Variants in DNAH5 observed in about 807,000 individuals in gnomAD.
The protein encoded by DNAH5 is dynein axonemal heavy chain 5, also known as axonemal beta dynein heavy chain 5.
In DNAH5, 372 loss-of-function variants were observed where a neutral mutation model predicts 518.2. That is an observed-to-expected ratio of 0.72 (90% CI 0.66 to 0.78). DNAH5 has a LOEUF of 0.78. Ranked by LOEUF, DNAH5 falls within the 30% of genes least tolerant of loss-of-function variation. The probability of loss-of-function intolerance (pLI) is 0.00; values close to 1 mark genes in which losing one functional copy is unlikely to be tolerated. For missense variants in DNAH5, 5,523 were observed against 5,687.0 expected, an observed-to-expected ratio of 0.97 and a Z score of 0.93; for synonymous variants, 2,039 against 2,025.9, an observed-to-expected ratio of 1.01 and a Z score of -0.17.
At chr5:13,894,104 G>A (rs1216107624) in intron 16 of DNAH5, among the ~76,000 whole-genome samples, 1 of 152,096 alleles carries the variant, frequency 6.6e-6, no homozygotes, top group Non-Finnish European at 1.5e-5. Flanking sequence ...AAGTCGTCCA[G>A]CAAAGAAACC....
At chr5:13,809,960 T>C in intron 45 of DNAH5, 99 bp downstream of exon 45, 1 of 1,231,294 alleles carries the variant, frequency 8.1e-7, no homozygotes, top group Non-Finnish European at 1.2e-6. Flanking sequence ...AGCCAATAAT[T>C]ATAAATCTCA....
chr5:13,883,014 C>A lies in DNAH5; in HGVS notation c.3064G>T (p.Val1022Phe). Residue 1022 changes from valine (V) to phenylalanine (F), a missense_variant, in exon 20 of 79, where the codon GTC (valine) becomes TTC (phenylalanine). Around this residue, in one of 3 missense-constraint regions of DNAH5, gnomAD observed 5,121 missense variants for 5,223.3 expected, o/e 0.98. Coordinates refer to ENST00000265104, the MANE Select transcript of DNAH5 (RefSeq NM_001369.3). ...ACATCTTCCAGGGCAGGGGCCATGA[C>A]GATGTTGGGAATGGCCAGAGTGACG... ...ASVTLAIPNI[V>F]MAPALEDVQQ... 6.2e-7 allele frequency: 1 copy of A among 1,614,090 alleles called. No homozygotes were observed. The highest frequency in any genetic ancestry group is 8.5e-7 in the Non-Finnish European group (1 of 1,180,022).
intron 18 of DNAH5, 24 bp downstream of exon 18, chr5:13,885,940 C>T (rs1029428038): frequency 2.1e-5 from 33 of 1,605,504 alleles, no homozygotes; most frequent in Non-Finnish European, 2.7e-5. Context: ...AAAAACAAGA[C>T]CCTTTCATTA....
chr5:13,731,624 C>T (rs191783524), intron 68 of DNAH5, among the ~76,000 whole-genome samples: 1 of 152,266 alleles, frequency 6.6e-6, no homozygotes, highest in East Asian at 1.9e-4. Flanking sequence ...TAATTGAGAA[C>T]TGTGCTGTTC....
Position 13,891,112 on chromosome 5 carries a change from T to C in DNAH5, c.2441A>G (p.Glu814Gly), listed in dbSNP as rs959351731. The C allele has an allele frequency of 6.2e-7, 1 of 1,613,938 alleles. No individual in the cohort carries two copies. The highest frequency in any genetic ancestry group is 1.3e-5 in the African/African-American group (1 of 74,896). The change falls in exon 17 of 79, where the codon GAG (glutamate) becomes GGG (glycine). Residue 814 changes from glutamate to glycine, a missense_variant. By Grantham distance (98) the Glu-to-Gly change is moderately conservative. Around this residue, in one of 3 missense-constraint regions of DNAH5, gnomAD observed 5,121 missense variants for 5,223.3 expected, o/e 0.98. Transcript: ENST00000265104. ...ATCATTGACCCTGTCAAGCAGCAACTCCAGGTCCTCTTTGGGAAAAAATAA... is the reference window on the plus strand; with the variant it reads ...ATCATTGACCCTGTCAAGCAGCAACCCCAGGTCCTCTTTGGGAAAAAATAA... The part of the protein sequence containing the change: ...ENTFAKIKDL[E>G]LLLDRVNDLI...
chr5:13,706,393 C>T (rs1742790591), intron 76 of DNAH5, among the ~76,000 whole-genome samples: 1 of 152,150 alleles, frequency 6.6e-6, no homozygotes, highest in South Asian at 2.1e-4. Context: ...TGGGTTCATG[C>T]TGTGGGTGTG....
intron 47 of DNAH5, among the ~76,000 whole-genome samples, chr5:13,797,130 T>C (rs984293972): frequency 6.6e-6 from 1 of 152,202 alleles, no homozygotes; most frequent in Non-Finnish European, 1.5e-5. Context: ...CCATTCAGGA[T>C]ACAGGCATGG....
intron 13 of DNAH5, 22 bp downstream of exon 13, chr5:13,902,031 G>A (rs1292757839): frequency 1.4e-6 from 2 of 1,480,206 alleles, no homozygotes; most frequent in South Asian, 1.2e-5. Flanking sequence ...TTAGAAAATA[G>A]ACAATTTCTT....
rs144130277 is a variant in DNAH5, at chr5:13,832,023, G to A, written c.5883-1248C>T. ...GGACAAGCCCACTCTATCCGGGAAA[G>A]AAAAATAACTAATGGGCACTAGGCT... On this transcript the variant is annotated intron_variant, in intron 35 of 78. Transcript: ENST00000265104. 8.1e-3 allele frequency among the ~76,000 whole-genome samples: 1,227 copies of A among 152,148 alleles called. 9 individuals carry two copies. The highest frequency in any genetic ancestry group is 0.02 in the Middle Eastern group (6 of 294).
chr5:13,801,502 G>T (rs141862877), intron 47 of DNAH5, among the ~76,000 whole-genome samples: 1 of 152,140 alleles, frequency 6.6e-6, no homozygotes, highest in Non-Finnish European at 1.5e-5. Flanking sequence ...CACAAGTTCT[G>T]GTAGTTCCAC....
At chr5:13,859,095 A>AAC (rs34508850) in intron 30 of DNAH5, among the ~76,000 whole-genome samples, 65,831 of 151,738 alleles carry the variant, frequency 0.43, 14,462 homozygotes, top group South Asian at 0.49. Flanking sequence ...TGTAGTAGAA[A>AAC]AACTTAGCCT....
At chr5:13,757,925 A>G (rs1182512761) in intron 61 of DNAH5, among the ~76,000 whole-genome samples, 1 of 152,220 alleles carries the variant, frequency 6.6e-6, no homozygotes, top group African/African-American at 2.4e-5. Context: ...TCGGCCAAGT[A>G]AAGGCTGAGA....
intron 64 of DNAH5, 118 bp from the exon 65 acceptor site, chr5:13,751,378 T>TA (rs1396298993): frequency 9.6e-7 from 1 of 1,045,268 alleles, no homozygotes; most frequent in Non-Finnish European, 1.4e-6. Context: ...ATTTGTATAC[T>TA]AAAAAAGAAA....
intron 42 of DNAH5, among the ~76,000 whole-genome samples, chr5:13,816,861 T>C (rs1761518587): frequency 1.3e-5 from 2 of 152,212 alleles, no homozygotes. Flanking sequence ...TCCTGCTTCT[T>C]TCTCTCTGCA....
chr5:13,977,865 T>C (rs1281936258), intron 1 of DNAH5, among the ~76,000 whole-genome samples: 1 of 152,126 alleles, frequency 6.6e-6, no homozygotes, highest in Non-Finnish European at 1.5e-5. Flanking sequence ...CTTTATCTTA[T>C]TTTGGCCACT....
chr5:13,839,200 C>G (rs1376178912), intron 35 of DNAH5, among the ~76,000 whole-genome samples, 156 bp downstream of exon 35: 3 of 151,990 alleles, frequency 2.0e-5, no homozygotes, highest in African/African-American at 7.3e-5. Flanking sequence ...AACCTAAATC[C>G]CATGTGAAAA....
intron 30 of DNAH5, among the ~76,000 whole-genome samples, chr5:13,858,642 A>C (rs1767964342): frequency 6.6e-6 from 1 of 152,204 alleles, no homozygotes. Context: ...ATACAAATCA[A>C]AAATAAAGTA....
chr5:13,748,093 A>G (rs1019042961), intron 65 of DNAH5, among the ~76,000 whole-genome samples: 11 of 152,230 alleles, frequency 7.2e-5, no homozygotes, highest in African/African-American at 2.7e-4. Context: ...AGCTTTCTAC[A>G]GATGGCTAGC....
chr5:13,800,356 T>G (rs1040310010), intron 47 of DNAH5, among the ~76,000 whole-genome samples: 3 of 152,082 alleles, frequency 2.0e-5, no homozygotes, highest in African/African-American at 7.2e-5. Flanking sequence ...TTCCATAACA[T>G]CACAAAAATA....
Sources: gnomAD v4.1 joint callset for allele counts (sites outside exome capture counted in the v4.1 genomes callset) on GRCh38, gnomAD v4.1.1 for gene constraint, gnomAD v4.1.1 regional missense constraint, MANE v1.5 for transcripts, NCBI Gene and HGNC (gene_info 2026-07-23, HGNC 2026-07-21) for gene names.